TSPAN14: variants seen among roughly 807,000 people sequenced by gnomAD.
TSPAN14 encodes tetraspanin-14.
Under a neutral mutation model 36.6 loss-of-function variants are expected in TSPAN14, and 16 were observed. The ratio of observed to expected loss-of-function variants is 0.44; its 90% CI spans 0.30 to 0.66. The LOEUF (loss-of-function observed/expected upper bound fraction) is 0.66. Ranked by LOEUF, TSPAN14 falls within the 30% of genes least tolerant of loss-of-function variation. The pLI is 0.12. For synonymous variants in TSPAN14, 139 were observed against 143.8 expected, an observed-to-expected ratio of 0.97 and a Z score of 0.24; for missense variants, 231 against 355.1, an observed-to-expected ratio of 0.65 and a Z score of 2.81.
chr10:80,505,297 C>T (rs540987779), intron 3 of TSPAN14, among the ~76,000 whole-genome samples: 5 of 152,060 alleles, frequency 3.3e-5, no homozygotes, highest in African/African-American at 4.8e-5. Flanking sequence ...CTCCTACTGT[C>T]GGGAAGGACA....
chr10:80,469,109 T>G (rs1846398164), intron 1 of TSPAN14, among the ~76,000 whole-genome samples: 1 of 151,998 alleles, frequency 6.6e-6, no homozygotes, highest in African/African-American at 2.4e-5. Flanking sequence ...GAAAGCCCCC[T>G]TAGCCCAGAG....
chr10:80,472,587 C>T (rs980647333), intron 1 of TSPAN14, among the ~76,000 whole-genome samples: 4 of 152,204 alleles, frequency 2.6e-5, no homozygotes, highest in Non-Finnish European at 4.4e-5. Context: ...TTGGCACAGT[C>T]GGTTGTTTCT....
At chr10:80,482,732 CTTTTTT>C (rs34769982) in intron 1 of TSPAN14, among the ~76,000 whole-genome samples, 5 of 110,548 alleles carry the variant, frequency 4.5e-5, no homozygotes, top group African/African-American at 7.8e-5. Flanking sequence ...TTTTCTTTTC[CTTTTTT>C]TTTTTTTTTT....
intron 1 of TSPAN14, chr10:80,463,242 A>C (rs1307075887): frequency 6.6e-6 from 1 of 152,204 alleles, no homozygotes; most frequent in African/African-American, 2.4e-5. Flanking sequence ...GCCTGCAGAC[A>C]GCTACGGGTA....
intron 5 of TSPAN14, among the ~76,000 whole-genome samples, chr10:80,511,864 T>A (rs1840670532): frequency 6.6e-6 from 1 of 151,404 alleles, no homozygotes; most frequent in Non-Finnish European, 1.5e-5. Context: ...TTGCCCAGAC[T>A]TGTTTCCAAC....
chr10:80,459,244 G>A (rs1343259446), intron 1 of TSPAN14: 1 of 152,386 alleles, frequency 6.6e-6, no homozygotes, highest in African/African-American at 2.4e-5. Context: ...GGGTGGGGCT[G>A]TGGTTTTCTT....
intron 2 of TSPAN14, among the ~76,000 whole-genome samples, chr10:80,498,595 A>G (rs1848324260): frequency 6.6e-6 from 1 of 152,122 alleles, no homozygotes; most frequent in Non-Finnish European, 1.5e-5. Flanking sequence ...GCTGGAAGTA[A>G]TTGGGGGTGG....
rs1281683524 is a variant in TSPAN14, at chr10:80,509,836, C to T, written c.450+365C>T. 4 of 198,350 alleles carry T rather than the reference C, an allele frequency of 2.0e-5. No individual in the cohort carries two copies. The highest frequency in any genetic ancestry group is 7.0e-5 in the African/African-American group (3 of 43,064). 12.3% of individuals were successfully genotyped at this position (198,350 alleles called of 1,614,324 possible). ...CATACCGTAAGGCACAGCTTCTTCC[C>T]CCCGGCTCATGACTCACCATCTGAC... On this transcript the variant is annotated intron_variant, in intron 5 of 8. Transcript: ENST00000429989. This position sits in a 1 kb window ranked among gnomAD's most constrained non-coding sequence, Gnocchi z 4.7.
At chr10:80,459,360 C>G (rs1845871634) in intron 1 of TSPAN14, 1 of 152,430 alleles carries the variant, frequency 6.6e-6, no homozygotes, top group Non-Finnish European at 1.5e-5. Flanking sequence ...CCCAACTGAG[C>G]AGCCAGGGAG....
intron 1 of TSPAN14, among the ~76,000 whole-genome samples, chr10:80,486,835 T>A (rs1293941003): frequency 7.9e-5 from 12 of 152,158 alleles, no homozygotes; most frequent in African/African-American, 2.4e-4. Flanking sequence ...AGGTTAAAAA[T>A]TTTTTTTCAT....
Position 80,498,390 on chromosome 10 carries a change from T to A in TSPAN14, c.82-6338T>A, listed in dbSNP as rs114379331. 5.5e-3 allele frequency among the ~76,000 whole-genome samples: 844 copies of A among 152,280 alleles called. 11 individuals carry two copies. The highest frequency in any genetic ancestry group is 0.019 in the African/African-American group (804 of 41,560). ...TGGCTTCCTCGAGACCCTGACTCTG[T>A]GAGTTAGGGACAAAGCTGAGACTCA... is the stretch of plus-strand genomic sequence containing the variant. On this transcript the variant is annotated intron_variant, in intron 2 of 8. Coordinates refer to ENST00000429989, the Ensembl canonical transcript of TSPAN14.
intron 4 of TSPAN14, among the ~76,000 whole-genome samples, chr10:80,508,906 T>G (rs1034303879): frequency 6.6e-6 from 1 of 152,156 alleles, no homozygotes; most frequent in African/African-American, 2.4e-5. Context: ...CACCCCAGGA[T>G]GCCACCCTGG....
At chr10:80,460,675 A>G (rs1442011819) in intron 1 of TSPAN14, among the ~76,000 whole-genome samples, 1 of 152,088 alleles carries the variant, frequency 6.6e-6, no homozygotes, top group Non-Finnish European at 1.5e-5. Context: ...GGTCCTTTTC[A>G]GCATCTGCTG....
At chr10:80,484,305 GA>G (rs2132001828) in intron 1 of TSPAN14, among the ~76,000 whole-genome samples, 1 of 151,720 alleles carries the variant, frequency 6.6e-6, no homozygotes, top group Non-Finnish European at 1.5e-5. Context: ...TAGTGACATT[GA>G]AAATTTTTCC....
intron 1 of TSPAN14, among the ~76,000 whole-genome samples, chr10:80,484,325 A>T (rs35521186): frequency 0.19 from 28,135 of 151,430 alleles, 2,833 homozygotes; most frequent in South Asian, 0.3. Flanking sequence ...CCTTTTTTTT[A>T]AATTTTTTTA....
intron 1 of TSPAN14, among the ~76,000 whole-genome samples, chr10:80,469,727 C>T (rs1374194304): frequency 6.6e-6 from 1 of 152,190 alleles, no homozygotes; most frequent in Non-Finnish European, 1.5e-5. Context: ...CCCCACTGGG[C>T]TTCACTTTTC....
At chr10:80,454,343 C>T (rs1199747732) in exon 1 of TSPAN14, 1 of 152,354 alleles carries the variant, frequency 6.6e-6, no homozygotes, top group South Asian at 1.8e-4. Context: ...CGAGCCGGGC[C>T]GCGCCGCCGC....
intron 2 of TSPAN14, among the ~76,000 whole-genome samples, chr10:80,499,080 C>CA (rs1848355032): frequency 6.6e-6 from 1 of 152,226 alleles, no homozygotes; most frequent in Admixed American, 6.5e-5. Flanking sequence ...TTGCCAAGTA[C>CA]TTTTATACAC....
intron 2 of TSPAN14, among the ~76,000 whole-genome samples, chr10:80,502,677 A>G (rs1159414998): frequency 2.0e-5 from 3 of 152,070 alleles, no homozygotes; most frequent in South Asian, 2.1e-4. Context: ...TGGGGGACCA[A>G]GGCTGCGTAG....
Sources: gnomAD v4.1 joint callset for allele counts (sites outside exome capture counted in the v4.1 genomes callset) on GRCh38, gnomAD v4.1.1 for gene constraint, Gnocchi (gnomAD v3.1) non-coding constraint, MANE v1.5 for transcripts, NCBI Gene and HGNC (gene_info 2026-07-23, HGNC 2026-07-21) for gene names.